TPST1: variants seen among roughly 807,000 people sequenced by gnomAD.
The protein encoded by TPST1 is protein-tyrosine sulfotransferase 1.
Under a neutral mutation model 34.8 loss-of-function variants are expected in TPST1, and 20 were observed. The ratio of observed to expected loss-of-function variants is 0.57; its 90% CI spans 0.40 to 0.84. TPST1 has a LOEUF of 0.84. Ranked by LOEUF, TPST1 falls within the 40% of genes least tolerant of loss-of-function variation. The pLI is 0.00. For synonymous variants in TPST1, 152 were observed against 159.4 expected (o/e 0.95, Z 0.35); for missense variants, 353 against 455.5 (o/e 0.78, Z 2.05).
At chr7:66,326,183 T>C (rs1791863377) in intron 3 of TPST1, among the ~76,000 whole-genome samples, 1 of 152,220 alleles carries the variant, frequency 6.6e-6, no homozygotes, top group Non-Finnish European at 1.5e-5. Context: ...TTATTCTTCT[T>C]TGATCCACAT....
At chr7:66,352,054 T>G (rs1792490221) in intron 3 of TPST1, among the ~76,000 whole-genome samples, 1 of 152,194 alleles carries the variant, frequency 6.6e-6, no homozygotes, top group Non-Finnish European at 1.5e-5. Context: ...ACCATGAGAA[T>G]TCTGGGTAAA....
chr7:66,340,819 T>A (rs1792222447), intron 3 of TPST1, among the ~76,000 whole-genome samples: 1 of 152,206 alleles, frequency 6.6e-6, no homozygotes, highest in African/African-American at 2.4e-5. Context: ...GAGACCAGCC[T>A]GGCCAACATA....
chr7:66,223,274 T>G (rs1264252261), intron 1 of TPST1, among the ~76,000 whole-genome samples: 1 of 151,526 alleles, frequency 6.6e-6, no homozygotes. Flanking sequence ...TAAGGAGGCC[T>G]TGTCTCTACA....
chr7:66,254,160 G>A (rs185021036), intron 2 of TPST1, among the ~76,000 whole-genome samples: 1 of 152,104 alleles, frequency 6.6e-6, no homozygotes, highest in Admixed American at 6.5e-5. Context: ...TGAAAAATCA[G>A]ACTAAATTTA....
At position 66,240,389 on chromosome 7, in the gene TPST1, C is replaced by T; in HGVS notation, c.-37C>T. On this transcript the variant is annotated 5_prime_UTR_variant, in exon 2 of 6. Transcript: ENST00000304842. ...AACATTTTCCGAAAATCATTTTGAG[C>T]AAAATATCTGTTTAATAACAAGATA... 1 of 1,586,682 alleles carries T rather than the reference C, an allele frequency of 6.3e-7. No homozygotes were observed. Among genetic ancestry groups the T allele is most frequent in the Non-Finnish European group, 8.6e-7 (1 of 1,165,362 alleles).
At chr7:66,292,560 G>T (rs868836958) in intron 3 of TPST1, among the ~76,000 whole-genome samples, 1 of 75,290 alleles carries the variant, frequency 1.3e-5, no homozygotes. Flanking sequence ...TAGTCTCGTG[G>T]TGCGCCGTTT....
chr7:66,234,195 G>A (rs1007860333), intron 1 of TPST1, among the ~76,000 whole-genome samples: 12 of 152,102 alleles, frequency 7.9e-5, no homozygotes, highest in Non-Finnish European at 1.5e-4. Context: ...ACGCCTTCCC[G>A]TTACATGGCT....
chr7:66,317,988 G>A (rs891787727), intron 3 of TPST1, among the ~76,000 whole-genome samples: 1 of 151,980 alleles, frequency 6.6e-6, no homozygotes, highest in Non-Finnish European at 1.5e-5. Context: ...GCGAAACCCC[G>A]TCTCTACTAA....
intron 3 of TPST1, among the ~76,000 whole-genome samples, chr7:66,315,542 C>T (rs10228885): frequency 6.6e-6 from 1 of 151,990 alleles, no homozygotes; most frequent in Non-Finnish European, 1.5e-5. Flanking sequence ...GAAGGTGTTG[C>T]GGGGTTGTGG....
At chr7:66,310,192 G>C (rs772087490) in intron 3 of TPST1, among the ~76,000 whole-genome samples, 3 of 152,228 alleles carry the variant, frequency 2.0e-5, no homozygotes, top group Non-Finnish European at 4.4e-5. Flanking sequence ...GGAGATGTTT[G>C]CTAGGGATTT....
At chr7:66,311,354 G>A (rs1791528548) in intron 3 of TPST1, among the ~76,000 whole-genome samples, 1 of 152,100 alleles carries the variant, frequency 6.6e-6, no homozygotes, top group South Asian at 2.1e-4. Context: ...ACCCAGGCTG[G>A]CCTCAAACTC....
intron 2 of TPST1, among the ~76,000 whole-genome samples, chr7:66,249,374 C>A (rs141135551): frequency 5.3e-5 from 8 of 152,240 alleles, no homozygotes; most frequent in African/African-American, 1.9e-4. Context: ...GGTACCCATC[C>A]AGATATTATA....
intron 3 of TPST1, among the ~76,000 whole-genome samples, chr7:66,315,250 A>AT (rs1791609444): frequency 6.6e-6 from 1 of 152,236 alleles, no homozygotes; most frequent in African/African-American, 2.4e-5. Flanking sequence ...GTGGGAAGCC[A>AT]TTGCCACCCT....
chr7:66,358,338 T>A (rs778730), intron 5 of TPST1, among the ~76,000 whole-genome samples: 16,070 of 151,522 alleles, frequency 0.11, 1,021 homozygotes, highest in South Asian at 0.21. Flanking sequence ...TTTTTTTTTT[T>A]TATATAATGT....
At chr7:66,215,149 G>C (rs1021569186) in intron 1 of TPST1, among the ~76,000 whole-genome samples, 6 of 148,976 alleles carry the variant, frequency 4.0e-5, no homozygotes, top group Non-Finnish European at 5.9e-5. Context: ...CCGCCTCCCG[G>C]GTTCAAGCCA....
chr7:66,337,988 T>TA (rs1396437461), intron 3 of TPST1, among the ~76,000 whole-genome samples: 3 of 152,162 alleles, frequency 2.0e-5, no homozygotes, highest in African/African-American at 7.2e-5. Context: ...AGTAAACCCT[T>TA]ACCTGTCAGT....
chr7:66,293,152 G>C (rs1037092405), intron 3 of TPST1, among the ~76,000 whole-genome samples: 1 of 151,766 alleles, frequency 6.6e-6, no homozygotes, highest in African/African-American at 2.4e-5. Context: ...CTTGCAGTGA[G>C]TAGAGATCAC....
At chr7:66,348,199 T>C (rs1048317495) in intron 3 of TPST1, among the ~76,000 whole-genome samples, 1 of 152,164 alleles carries the variant, frequency 6.6e-6, no homozygotes, top group African/African-American at 2.4e-5. Context: ...CCTCTATTTC[T>C]ATCTCCTTGG....
intron 3 of TPST1, among the ~76,000 whole-genome samples, chr7:66,311,375 G>C (rs1763656811): frequency 1.3e-5 from 2 of 152,180 alleles, no homozygotes; most frequent in African/African-American, 4.8e-5. Flanking sequence ...CTGAGCTCAA[G>C]TGATTCACCT....
Sources: allele counts gnomAD v4.1 joint callset (sites outside exome capture counted in the v4.1 genomes callset), GRCh38; gene constraint gnomAD v4.1.1; transcripts MANE v1.5; gene names NCBI Gene and HGNC (gene_info 2026-07-23, HGNC 2026-07-21).